ASTN2: variants seen among roughly 807,000 people sequenced by gnomAD.
ASTN2 encodes astrotactin-2.
In ASTN2, 54 loss-of-function variants were observed where a neutral mutation model predicts 139.8. That is an observed-to-expected ratio of 0.39 (90% confidence interval 0.31 to 0.48). The LOEUF (loss-of-function observed/expected upper bound fraction) is 0.48. Ranked by LOEUF, ASTN2 falls within the 20% of genes least tolerant of loss-of-function variation. The probability of loss-of-function intolerance (pLI) is 0.95; values close to 1 mark genes in which losing one functional copy is unlikely to be tolerated. For synonymous variants in ASTN2, 756 were observed against 719.5 expected (o/e 1.05, Z -0.81); for missense variants, 1,565 against 1,725.1 (o/e 0.91, Z 1.64).
intron 4 of ASTN2, among the ~76,000 whole-genome samples, chr9:117,118,407 T>C (rs1250447806): frequency 6.6e-6 from 1 of 152,160 alleles, no homozygotes; most frequent in Non-Finnish European, 1.5e-5. Flanking sequence ...AGTCCCATTG[T>C]CTCTACCAAA....
chr9:117,044,371 G>A (rs1838672377), intron 5 of ASTN2, among the ~76,000 whole-genome samples: 1 of 152,214 alleles, frequency 6.6e-6, no homozygotes, highest in Non-Finnish European at 1.5e-5. Context: ...AAGTCCAGGA[G>A]GATGAAAGCA....
intron 19 of ASTN2, among the ~76,000 whole-genome samples, chr9:116,535,444 T>C (rs1851575217): frequency 1.3e-5 from 2 of 152,198 alleles, no homozygotes; most frequent in South Asian, 4.1e-4. Flanking sequence ...TTGATGCAGT[T>C]TCCTCCTAGC....
At chr9:117,140,920 T>G (rs1267809550) in intron 4 of ASTN2, among the ~76,000 whole-genome samples, 2 of 152,188 alleles carry the variant, frequency 1.3e-5, no homozygotes, top group African/African-American at 2.4e-5. Flanking sequence ...TTATTCAGCC[T>G]GCTAAAAAGT....
At chr9:116,684,636 C>T (rs1166175984) in intron 16 of ASTN2, among the ~76,000 whole-genome samples, 1 of 152,174 alleles carries the variant, frequency 6.6e-6, no homozygotes, top group Non-Finnish European at 1.5e-5. Flanking sequence ...CCAGCCAGAC[C>T]TGCATGAGTC....
At chr9:117,037,012 C>G (rs1354842223) in intron 6 of ASTN2, among the ~76,000 whole-genome samples, 2 of 152,038 alleles carry the variant, frequency 1.3e-5, no homozygotes, top group South Asian at 4.2e-4. Flanking sequence ...TAGAGATCTA[C>G]CAGAAGGATT....
chr9:117,249,554 G>A (rs1048191644), intron 2 of ASTN2, among the ~76,000 whole-genome samples: 3 of 152,068 alleles, frequency 2.0e-5, no homozygotes, highest in African/African-American at 4.8e-5. Context: ...ATTTATAAAA[G>A]GAAAGTTCCT....
chr9:116,839,109 G>T (rs1010579007), intron 11 of ASTN2, among the ~76,000 whole-genome samples: 8 of 151,988 alleles, frequency 5.3e-5, no homozygotes, highest in African/African-American at 1.9e-4. Flanking sequence ...CTCAACAATA[G>T]TATGCCTCAA....
At chr9:117,390,305 G>A (rs529516704) in intron 1 of ASTN2, among the ~76,000 whole-genome samples, 1 of 152,254 alleles carries the variant, frequency 6.6e-6, no homozygotes, top group South Asian at 2.1e-4. Flanking sequence ...TTGTGTTAGT[G>A]TGGCCCATTT....
chr9:116,490,272 TAAAAAAAAAAAAAAAAAAAAAAAAAA>T (rs140391473), intron 19 of ASTN2, among the ~76,000 whole-genome samples: 1 of 37,908 alleles, frequency 2.6e-5, no homozygotes, highest in South Asian at 2.0e-3. Flanking sequence ...TGATAAAAAG[TAAAAAAAAAAAAAAAAAAAAAAAAAA>T]AAAAAGGGGG....
chr9:116,481,290 G>A (rs1849160148), intron 20 of ASTN2, among the ~76,000 whole-genome samples: 1 of 152,162 alleles, frequency 6.6e-6, no homozygotes, highest in Non-Finnish European at 1.5e-5. Context: ...TGAGGTGGGA[G>A]GATGGCTTGA....
chr9:117,411,777 G>T (rs546670846), intron 1 of ASTN2, among the ~76,000 whole-genome samples: 1 of 152,276 alleles, frequency 6.6e-6, no homozygotes, highest in African/African-American at 2.4e-5. Context: ...GGCAGAGTTT[G>T]GCATTTACCA....
chr9:116,852,076 A>G (rs907432540), intron 11 of ASTN2, among the ~76,000 whole-genome samples: 1 of 152,190 alleles, frequency 6.6e-6, no homozygotes, highest in Non-Finnish European at 1.5e-5. Flanking sequence ...CCCCATGATC[A>G]TGGGCCTGAA....
Position 116,646,884 on chromosome 9 carries a change from C to T in ASTN2, c.3072+4644G>A, listed in dbSNP as rs534649854. 5.3e-5 allele frequency among the ~76,000 whole-genome samples: 8 copies of T among 152,314 alleles called. No homozygotes were observed. The East Asian group carries it at 1.5e-3, about 29-fold the overall frequency. ...CTCACCACATGTTGTACAGTTCTGC[C>T]TGACTTCTCTTCAGCATTGTCCATG... is the stretch of plus-strand genomic sequence containing the variant. On this transcript the variant is annotated intron_variant, in intron 17 of 22. Coordinates refer to ENST00000313400, the MANE Select transcript of ASTN2 (RefSeq NM_001365068.1).
intron 11 of ASTN2, among the ~76,000 whole-genome samples, chr9:116,853,127 G>C (rs1174699776): frequency 6.6e-6 from 1 of 152,046 alleles, no homozygotes; most frequent in Non-Finnish European, 1.5e-5. Context: ...GGAAGGATAT[G>C]TATCTATCTA....
chr9:117,257,032 G>A (rs2133101419), intron 2 of ASTN2, among the ~76,000 whole-genome samples: 1 of 152,100 alleles, frequency 6.6e-6, no homozygotes, highest in East Asian at 1.9e-4. Flanking sequence ...AAATATTTTT[G>A]TAGCACAACT....
chr9:116,825,663 C>T (rs1831604746), intron 11 of ASTN2, among the ~76,000 whole-genome samples: 1 of 152,158 alleles, frequency 6.6e-6, no homozygotes, highest in African/African-American at 2.4e-5. Context: ...CTGGAAGGGG[C>T]TCCCAGATGT....
intron 12 of ASTN2, among the ~76,000 whole-genome samples, chr9:116,806,791 CA>C (rs560611299): frequency 1.3e-5 from 2 of 150,426 alleles, no homozygotes; most frequent in African/African-American, 4.9e-5. Context: ...ACATTGGCCA[CA>C]AAAAAAACAG....
At chr9:116,630,151 T>C (rs1010541314) in intron 17 of ASTN2, among the ~76,000 whole-genome samples, 2 of 152,178 alleles carry the variant, frequency 1.3e-5, no homozygotes, top group Non-Finnish European at 2.9e-5. Flanking sequence ...ACCATGAATT[T>C]GATAATCCTA....
chr9:116,763,494 C>G (rs917334845), intron 13 of ASTN2, among the ~76,000 whole-genome samples: 1 of 152,026 alleles, frequency 6.6e-6, no homozygotes, highest in Non-Finnish European at 1.5e-5. Context: ...CAGGCCAAAC[C>G]CATCACTCAG....
Sources: allele counts gnomAD v4.1 joint callset (sites outside exome capture counted in the v4.1 genomes callset), GRCh38; gene constraint gnomAD v4.1.1; transcripts MANE v1.5; gene names NCBI Gene and HGNC (gene_info 2026-07-23, HGNC 2026-07-21).